Variants in PRIM2 observed in about 807,000 individuals in gnomAD.
PRIM2 encodes the protein DNA primase subunit 2.
Under a neutral mutation model 67.3 loss-of-function variants are expected in PRIM2, and 39 were observed. The observed-to-expected ratio is 0.58, with a 90% confidence interval of 0.45 to 0.76. The LOEUF (loss-of-function observed/expected upper bound fraction) is 0.76, where lower values mean the gene tolerates loss of function less well. Among genes scored for constraint, PRIM2 ranks in the 30% least tolerant of loss-of-function variants. The pLI, the probability that PRIM2 is intolerant of heterozygous loss-of-function variation, is 0.00. For missense variants in PRIM2, 398 were observed against 598.7 expected (o/e 0.66, Z 3.50); for synonymous variants, 143 against 198.7 (o/e 0.72, Z 2.36).
intron 7 of PRIM2, among the ~76,000 whole-genome samples, chr6:57,397,967 C>CT (rs369522862): frequency 0.013 from 1,286 of 102,232 alleles, 29 homozygotes; most frequent in African/African-American, 0.04. Flanking sequence ...TTCTTTCTTT[C>CT]TTTTTTTTTT....
intron 10 of PRIM2, among the ~76,000 whole-genome samples, chr6:57,550,215 T>C (rs1487884191): frequency 6.6e-6 from 1 of 152,216 alleles, no homozygotes; most frequent in Non-Finnish European, 1.5e-5. Flanking sequence ...TTTTTGAAGC[T>C]TTATTGCAGT....
At chr6:57,277,511 T>C in the PRIM2 span, among the ~76,000 whole-genome samples, 1 of 152,076 alleles carries the variant, frequency 6.6e-6, no homozygotes, top group South Asian at 2.1e-4. Flanking sequence ...GGAAAAGCCT[T>C]ATATGCAGTT....
intron 7 of PRIM2, among the ~76,000 whole-genome samples, chr6:57,475,467 T>C (rs1773454582): frequency 6.6e-6 from 1 of 152,220 alleles, no homozygotes; most frequent in Non-Finnish European, 1.5e-5. Context: ...TGTGGTCTGT[T>C]GTGACTGGTT....
chr6:57,437,538 CAA>C (rs2127382904), intron 7 of PRIM2, among the ~76,000 whole-genome samples: 1 of 151,732 alleles, frequency 6.6e-6, no homozygotes, highest in African/African-American at 2.4e-5. Flanking sequence ...GACACAGGAA[CAA>C]AAAGTTTTTT....
intron 5 of PRIM2, among the ~76,000 whole-genome samples, chr6:57,333,148 G>C (rs1435242710): frequency 3.3e-5 from 5 of 152,070 alleles, no homozygotes; most frequent in African/African-American, 1.2e-4. Flanking sequence ...GTTCCCATAT[G>C]CTCTGTTCCC....
intron 7 of PRIM2, among the ~76,000 whole-genome samples, chr6:57,423,314 G>T (rs540187679): frequency 6.6e-6 from 1 of 152,084 alleles, no homozygotes; most frequent in South Asian, 2.1e-4. Flanking sequence ...CTTCAAAGAA[G>T]CATATATATA....
chr6:57,600,518 C>T (rs1776445289), intron 10 of PRIM2, among the ~76,000 whole-genome samples: 1 of 152,012 alleles, frequency 6.6e-6, no homozygotes, highest in Admixed American at 6.6e-5. Context: ...CCACCACACC[C>T]AGCTAATATT....
intron 10 of PRIM2, among the ~76,000 whole-genome samples, chr6:57,600,820 ATTTTCT>A (rs1240048449): frequency 2.6e-5 from 4 of 152,268 alleles, no homozygotes; most frequent in African/African-American, 4.8e-5. Flanking sequence ...TCAGGAAAAG[ATTTTCT>A]TTATCTTTAA....
At chr6:57,422,706 C>CTT (rs5876557) in intron 7 of PRIM2, among the ~76,000 whole-genome samples, 7 of 147,998 alleles carry the variant, frequency 4.7e-5, no homozygotes, top group African/African-American at 1.2e-4. Context: ...TGATGGAATT[C>CTT]TTTTTTTTTT....
Position 57,442,953 on chromosome 6 carries a change from C to G in PRIM2, c.693+60785C>G, listed in dbSNP as rs563412506. Among the ~76,000 whole-genome samples, 5 of 152,270 alleles carry G rather than the reference C, an allele frequency of 3.3e-5. No homozygotes were observed. The East Asian group carries it at 9.6e-4, about 29-fold the overall frequency. Reference sequence around the variant, plus strand: ...CTTATAACTCCCACTCCCCCAGCCTCTGTAACTACCTTCTATTCTCTGCTT... The same window carrying G: ...CTTATAACTCCCACTCCCCCAGCCTGTGTAACTACCTTCTATTCTCTGCTT... On this transcript the variant is annotated intron_variant, in intron 7 of 13. Transcript: ENST00000615550.
intron 7 of PRIM2, among the ~76,000 whole-genome samples, chr6:57,388,417 A>G (rs1770220923): frequency 6.6e-6 from 1 of 152,226 alleles, no homozygotes; most frequent in African/African-American, 2.4e-5. Context: ...TAATATTGAC[A>G]TGGTGGATTG....
intron 12 of PRIM2, among the ~76,000 whole-genome samples, chr6:57,629,356 A>G (rs1349534301): frequency 2.0e-5 from 3 of 152,014 alleles, no homozygotes; most frequent in Non-Finnish European, 4.4e-5. Flanking sequence ...CTACTGCGTG[A>G]TATTTTGGGT....
chr6:57,526,099 C>T (rs1292532599), intron 8 of PRIM2, among the ~76,000 whole-genome samples: 2 of 152,020 alleles, frequency 1.3e-5, no homozygotes, highest in Non-Finnish European at 2.9e-5. Flanking sequence ...TTATATGGTT[C>T]TGTTTCGGTA....
At chr6:57,498,284 C>G (rs1774050508) in intron 7 of PRIM2, among the ~76,000 whole-genome samples, 1 of 151,916 alleles carries the variant, frequency 6.6e-6, no homozygotes, top group Non-Finnish European at 1.5e-5. Context: ...TGTTGGCATT[C>G]TAGATTTTGA....
chr6:57,324,032 C>A (rs1347273809), intron 3 of PRIM2, 169 bp from the exon 4 acceptor site: 1 of 152,234 alleles, frequency 6.6e-6, no homozygotes, highest in East Asian at 1.9e-4. Flanking sequence ...TTACAGTGAG[C>A]TGTGATTGAC....
At chr6:57,439,494 C>T (rs1307809714) in intron 7 of PRIM2, among the ~76,000 whole-genome samples, 1 of 132,714 alleles carries the variant, frequency 7.5e-6, no homozygotes, top group Non-Finnish European at 1.5e-5. Context: ...CGGCTCACTG[C>T]AAACTTTGCC....
At chr6:57,454,081 G>T (rs1259743719) in intron 7 of PRIM2, among the ~76,000 whole-genome samples, 11 of 152,126 alleles carry the variant, frequency 7.2e-5, no homozygotes, top group African/African-American at 2.7e-4. Flanking sequence ...TTATATGTTG[G>T]ATTACGTTTA....
intron 7 of PRIM2, among the ~76,000 whole-genome samples, chr6:57,433,056 T>C (rs537336532): frequency 1.3e-5 from 2 of 152,310 alleles, no homozygotes; most frequent in South Asian, 2.1e-4. Flanking sequence ...GTAAATAAAA[T>C]TTTATTGGAA....
At chr6:57,598,718 C>G (rs1776411338) in intron 10 of PRIM2, among the ~76,000 whole-genome samples, 1 of 151,456 alleles carries the variant, frequency 6.6e-6, no homozygotes, top group South Asian at 2.1e-4. Context: ...AAGACCTTGT[C>G]TGGTGACACA....
Sources: allele counts gnomAD v4.1 joint callset (sites outside exome capture counted in the v4.1 genomes callset), GRCh38; gene constraint gnomAD v4.1.1; transcripts MANE v1.5; gene names NCBI Gene and HGNC (gene_info 2026-07-23, HGNC 2026-07-21).